The following CSGALNACT1 variants were observed in gnomAD, a reference collection of about 807,000 sequenced individuals.
CSGALNACT1 encodes beta4GalNAcT-1.
A neutral mutation model predicts 51.0 loss-of-function variants in CSGALNACT1; 52 were observed. The observed-to-expected ratio is 1.02, with a 90% CI of 0.82 to 1.29. CSGALNACT1 has a LOEUF of 1.29. CSGALNACT1 is among the 50% of genes most tolerant of loss of function. The probability of loss-of-function intolerance (pLI) is 0.00; values close to 1 mark genes in which losing one functional copy is unlikely to be tolerated. For synonymous variants in CSGALNACT1, 341 were observed against 254.4 expected (o/e 1.34, Z -3.24); for missense variants, 935 against 679.2 (o/e 1.38, Z -4.19).
In CSGALNACT1 at chr8:19,513,436, C is replaced by CTCTCTCTATATATATATA; in HGVS notation, c.-296-7307_-296-7306insTATATATATATAGAGAGA. 2.0e-3 allele frequency among the ~76,000 whole-genome samples: 160 copies of CTCTCTCTATATATATATA among 81,898 alleles called. 1 individual carries two copies. Among genetic ancestry groups the CTCTCTCTATATATATATA allele is most frequent in the East Asian group, 2.4e-3 (3 of 1,264 alleles). 53.7% of individuals were successfully genotyped at this position (81,898 alleles called of 152,430 possible). On this transcript the variant is annotated intron_variant, in intron 3 of 9. Coordinates refer to ENST00000454498, the Ensembl canonical transcript of CSGALNACT1. The stretch of plus-strand genomic sequence containing the variant: ...TCTCACTCTCTCTCTCTCTCTCTCT[C>CTCTCTCTATATATATATA]TATATATATATATATATATATATAT...
chr8:19,520,777 T>C (rs1037704479), intron 3 of CSGALNACT1, among the ~76,000 whole-genome samples: 2 of 152,228 alleles, frequency 1.3e-5, no homozygotes, highest in Non-Finnish European at 1.5e-5. Context: ...TCCTTTTAAC[T>C]TTCTGATACC....
At chr8:19,667,002 A>G (rs1564385873) in intron 1 of CSGALNACT1, among the ~76,000 whole-genome samples, 8 of 27,232 alleles carry the variant, frequency 2.9e-4, no homozygotes, top group African/African-American at 1.4e-3. Flanking sequence ...AAAGAAAGAA[A>G]GAAAGAAAGA....
At chr8:19,710,202 C>T (rs2062418246) in intron 1 of CSGALNACT1, among the ~76,000 whole-genome samples, 1 of 152,140 alleles carries the variant, frequency 6.6e-6, no homozygotes, top group African/African-American at 2.4e-5. Flanking sequence ...TTATAATTTT[C>T]TCTGTCATTC....
intron 3 of CSGALNACT1, among the ~76,000 whole-genome samples, chr8:19,588,574 T>C (rs951719126): frequency 6.6e-6 from 1 of 152,232 alleles, no homozygotes; most frequent in African/African-American, 2.4e-5. Context: ...TGAGGTCCTC[T>C]TATACACCAG....
intron 1 of CSGALNACT1, among the ~76,000 whole-genome samples, chr8:19,725,578 C>T (rs1265307135): frequency 6.6e-6 from 1 of 151,910 alleles, no homozygotes; most frequent in Non-Finnish European, 1.5e-5. Context: ...AAGGCCACCA[C>T]CATGCCCAGC....
Position 19,461,673 on chromosome 8 carries a change from C to T in CSGALNACT1, c.635-3031G>A, listed in dbSNP as rs1381748441. On this transcript the variant is annotated intron_variant, in intron 4 of 9. Transcript: ENST00000454498. Reference sequence around the variant, plus strand: ...CACCATGGGGGGCGTATCCGCACAGCGGCCACATTCACCATGGGGGGCGTA... The same window carrying T: ...CACCATGGGGGGCGTATCCGCACAGTGGCCACATTCACCATGGGGGGCGTA... 4.0e-5 allele frequency among the ~76,000 whole-genome samples: 6 copies of T among 150,484 alleles called. 1 individual carries two copies. The highest frequency in any genetic ancestry group is 5.9e-5 in the Non-Finnish European group (4 of 67,660).
chr8:19,547,095 G>C (rs1017650072), intron 3 of CSGALNACT1, among the ~76,000 whole-genome samples: 1 of 152,058 alleles, frequency 6.6e-6, no homozygotes, highest in East Asian at 1.9e-4. Context: ...CAAATATAAA[G>C]TGATATCCTC....
upstream of CSGALNACT1, among the ~76,000 whole-genome samples, chr8:19,606,128 G>T (rs780388757): frequency 6.6e-6 from 1 of 152,060 alleles, no homozygotes; most frequent in African/African-American, 2.4e-5. Context: ...AAATAAAAAG[G>T]CTAAAAACCC....
At chr8:19,486,127 G>GA (rs1170415084) in intron 4 of CSGALNACT1, among the ~76,000 whole-genome samples, 152 of 143,984 alleles carry the variant, frequency 1.1e-3, no homozygotes, top group African/African-American at 2.4e-3. Context: ...CTCTTTGGGA[G>GA]AAAAAAAAAA....
At chr8:19,637,392 G>T (rs1415903717) in intron 1 of CSGALNACT1, among the ~76,000 whole-genome samples, 1 of 152,066 alleles carries the variant, frequency 6.6e-6, no homozygotes, top group Non-Finnish European at 1.5e-5. Context: ...ATGCACTTGG[G>T]AAGATTTTTA....
At chr8:19,573,766 T>C (rs368675198) in intron 3 of CSGALNACT1, among the ~76,000 whole-genome samples, 1 of 152,148 alleles carries the variant, frequency 6.6e-6, no homozygotes, top group Non-Finnish European at 1.5e-5. Context: ...CTTCCAGTGA[T>C]AGGCTAGTTT....
chr8:19,571,494 G>A (rs114306259), intron 3 of CSGALNACT1, among the ~76,000 whole-genome samples: 1,744 of 151,590 alleles, frequency 0.012, 41 homozygotes, highest in African/African-American at 0.041. Context: ...AACAGAACCA[G>A]GGAAAGAGTC....
intron 1 of CSGALNACT1, among the ~76,000 whole-genome samples, chr8:19,634,950 G>A (rs1224712345): frequency 2.6e-5 from 4 of 152,172 alleles, no homozygotes; most frequent in Admixed American, 6.5e-5. Flanking sequence ...AAGCAGTAGC[G>A]CTAATCAGAC....
At chr8:19,508,693 G>A (rs2077841197) in intron 3 of CSGALNACT1, among the ~76,000 whole-genome samples, 1 of 152,146 alleles carries the variant, frequency 6.6e-6, no homozygotes, top group East Asian at 1.9e-4. Context: ...GACAAAACAA[G>A]CAAATCAAGA....
At chr8:19,505,579 G>T in exon 4 of CSGALNACT1, 1 of 1,614,034 alleles carries the variant, frequency 6.2e-7, no homozygotes, top group South Asian at 1.1e-5. Flanking sequence ...CTCTCCTGCA[G>T]CTCCTCCTTG....
chr8:19,517,259 G>C (rs1033211839), intron 3 of CSGALNACT1, among the ~76,000 whole-genome samples: 3 of 152,092 alleles, frequency 2.0e-5, no homozygotes, highest in Non-Finnish European at 4.4e-5. Context: ...TGACCAACAT[G>C]GAGAAAAACC....
rs376923616 is a variant in CSGALNACT1 at position 19,740,241 on chromosome 8, C to T, written c.-297+17609G>A. On this transcript the variant is annotated intron_variant, in intron 1 of 1. Coordinates refer to the CSGALNACT1 transcript ENST00000517494. ...CAAATCTCTCCAACACGCTTGGCAGCGGGGAGGCCCTATCCCAGCTGCTCC... is the reference window on the plus strand; with the variant it reads ...CAAATCTCTCCAACACGCTTGGCAGTGGGGAGGCCCTATCCCAGCTGCTCC... Among the ~76,000 whole-genome samples, 43 of 152,298 alleles carry T rather than the reference C, an allele frequency of 2.8e-4. No homozygotes were observed. The East Asian group carries it at 4.7e-3, about 16-fold the overall frequency.
intron 1 of CSGALNACT1, among the ~76,000 whole-genome samples, chr8:19,626,177 G>A (rs960241284): frequency 4.6e-5 from 7 of 152,172 alleles, no homozygotes; most frequent in African/African-American, 1.7e-4. Flanking sequence ...GACTTACTGT[G>A]TAACTATAGT....
At chr8:19,504,730 T>G (rs1324505019) in intron 4 of CSGALNACT1, among the ~76,000 whole-genome samples, 1 of 152,210 alleles carries the variant, frequency 6.6e-6, no homozygotes, top group Non-Finnish European at 1.5e-5. Flanking sequence ...CTTTAGCTAT[T>G]TAATTAATTA....
Sources: gnomAD v4.1 joint callset for allele counts (sites outside exome capture counted in the v4.1 genomes callset) on GRCh38, gnomAD v4.1.1 for gene constraint, MANE v1.5 for transcripts, NCBI Gene and HGNC (gene_info 2026-07-23, HGNC 2026-07-21) for gene names.